SGCZ: variants seen among roughly 807,000 people sequenced by gnomAD.
SGCZ encodes the protein sarcoglycan zeta.
Under a neutral mutation model 41.3 loss-of-function variants are expected in SGCZ, and 40 were observed. The ratio of observed to expected loss-of-function variants is 0.97; its 90% CI spans 0.75 to 1.26. The LOEUF is 1.26. Among genes scored for constraint, SGCZ ranks in the 50% most tolerant of loss-of-function variants. SGCZ has a pLI of 0.00. For missense variants in SGCZ, 552 were observed against 369.8 expected (o/e 1.49, Z -4.04); for synonymous variants, 206 against 137.5 (o/e 1.50, Z -3.49).
At chr8:14,880,306 G>T (rs1030551479) in intron 1 of SGCZ, among the ~76,000 whole-genome samples, 1 of 152,140 alleles carries the variant, frequency 6.6e-6, no homozygotes, top group African/African-American at 2.4e-5. Context: ...AGAAACAACA[G>T]GTGCTGGAGA....
intron 2 of SGCZ, among the ~76,000 whole-genome samples, chr8:14,431,060 A>T (rs1469819852): frequency 6.6e-6 from 1 of 152,208 alleles, no homozygotes; most frequent in Admixed American, 6.6e-5. Flanking sequence ...AAATTGAAAC[A>T]CATCCCATGC....
chr8:14,666,684 CAAA>C (rs34262206), intron 1 of SGCZ, among the ~76,000 whole-genome samples: 16 of 107,418 alleles, frequency 1.5e-4, no homozygotes, highest in Admixed American at 1.8e-4. Context: ...GTAGAATTTG[CAAA>C]AAAAAAAAAA....
intron 1 of SGCZ, among the ~76,000 whole-genome samples, chr8:15,148,893 A>C (rs1366015252): frequency 1.3e-5 from 2 of 152,244 alleles, no homozygotes; most frequent in East Asian, 1.9e-4. Flanking sequence ...CAAAAGACTG[A>C]CTGAAAGGCC....
intron 1 of SGCZ, among the ~76,000 whole-genome samples, chr8:14,924,695 A>G (rs563746678): frequency 6.6e-6 from 1 of 152,144 alleles, no homozygotes; most frequent in African/African-American, 2.4e-5. Context: ...AAAGATAGTA[A>G]TTAGATAAAT....
intron 1 of SGCZ, among the ~76,000 whole-genome samples, chr8:15,196,049 T>C (rs1019908760): frequency 5.4e-5 from 8 of 146,998 alleles, no homozygotes; most frequent in South Asian, 2.2e-4. Flanking sequence ...AGGCGCCCGC[T>C]ACCACGCCCG....
chr8:15,228,623 C>T (rs1481278374), intron 1 of SGCZ, among the ~76,000 whole-genome samples: 1 of 152,032 alleles, frequency 6.6e-6, no homozygotes, highest in Admixed American at 6.5e-5. Context: ...AACAGAAATA[C>T]AGAGATTTAG....
At chr8:15,202,330 C>A (rs536346222) in intron 1 of SGCZ, among the ~76,000 whole-genome samples, 66 of 152,218 alleles carry the variant, frequency 4.3e-4, no homozygotes, top group East Asian at 1.9e-3. Context: ...TAAGAAGGAA[C>A]AAAATAATGG....
rs535452787 is a variant in SGCZ, at chr8:14,964,670, T to A, written c.39+272915A>T. Among the ~76,000 whole-genome samples the A allele has an allele frequency of 1.3e-3, 205 of 152,268 alleles. 2 individuals are homozygous for A. The highest frequency in any genetic ancestry group is 3.2e-4 in the Non-Finnish European group (22 of 68,022). ...TGAAACAAGCGTTATGGTTCTTTTT[T>A]AAATAATTCTGCATTGAGTAGTTAT... On this transcript the variant is annotated intron_variant, in intron 1 of 7. Transcript: ENST00000382080.
At chr8:14,279,336 A>G (rs1374826079) in intron 3 of SGCZ, among the ~76,000 whole-genome samples, 3 of 152,092 alleles carry the variant, frequency 2.0e-5, no homozygotes, top group South Asian at 4.1e-4. Context: ...CAATGCAACT[A>G]CAGATAGCAA....
rs183181799 is a variant in SGCZ, at chr8:14,587,153, A to G, written c.40-32227T>C. Among the ~76,000 whole-genome samples, 538 of 152,194 alleles carry G rather than the reference A, an allele frequency of 3.5e-3. 2 individuals are homozygous for G. Among genetic ancestry groups the G allele is most frequent in the African/African-American group, 0.012 (507 of 41,540 alleles). On this transcript the variant is annotated intron_variant, in intron 1 of 7. Coordinates refer to ENST00000382080, the MANE Select transcript of SGCZ (RefSeq NM_139167.4). ...ACCGTCTCTAATACATATTTTATGT[A>G]TGTGTCATATAAAATTTCCTCATTA...
intron 4 of SGCZ, among the ~76,000 whole-genome samples, chr8:14,220,202 T>G (rs1477278885): frequency 6.6e-6 from 1 of 152,150 alleles, no homozygotes; most frequent in Non-Finnish European, 1.5e-5. Context: ...CCAACTGAAC[T>G]GAACTGAAAA....
intron 1 of SGCZ, among the ~76,000 whole-genome samples, chr8:14,632,626 G>C (rs1462849573): frequency 6.6e-6 from 1 of 151,970 alleles, no homozygotes. Context: ...ATACTTTTCA[G>C]ATCTGTGATT....
chr8:14,235,201 T>C (rs938320179), intron 4 of SGCZ, among the ~76,000 whole-genome samples: 1 of 152,192 alleles, frequency 6.6e-6, no homozygotes, highest in Non-Finnish European at 1.5e-5. Context: ...TGTGGCTTTG[T>C]TTCAAATATG....
At chr8:14,866,252 T>C (rs945262712) in intron 1 of SGCZ, among the ~76,000 whole-genome samples, 1 of 152,152 alleles carries the variant, frequency 6.6e-6, no homozygotes, top group South Asian at 2.1e-4. Flanking sequence ...GTGATAATTT[T>C]TTAAAAGTTT....
chr8:14,803,353 G>A lies in SGCZ; in HGVS notation c.40-248427C>T, dbSNP rs537001428. Among the ~76,000 whole-genome samples the A allele has an allele frequency of 1.7e-3, 253 of 152,126 alleles. 2 individuals are homozygous for A. Among genetic ancestry groups the A allele is most frequent in the Middle Eastern group, 0.01 (3 of 294 alleles). ...CACTAGGGAGTGCCAGACAGTGGGC[G>A]CAGGTCAGTGGGTGCGCGCACCATG... On this transcript the variant is annotated intron_variant, in intron 1 of 7. Transcript: ENST00000382080.
chr8:14,522,732 T>C (rs955332234), intron 2 of SGCZ, among the ~76,000 whole-genome samples: 44 of 151,800 alleles, frequency 2.9e-4, no homozygotes, highest in African/African-American at 1.1e-3. Flanking sequence ...ATTTTAACCA[T>C]GTTAAAATTG....
chr8:14,965,577 A>G (rs1801104640), intron 1 of SGCZ, among the ~76,000 whole-genome samples: 3 of 152,182 alleles, frequency 2.0e-5, no homozygotes, highest in African/African-American at 7.2e-5. Flanking sequence ...CTACACTACA[A>G]GAAACCAAAG....
At chr8:14,890,612 G>A (rs1031459011) in intron 1 of SGCZ, among the ~76,000 whole-genome samples, 21 of 152,228 alleles carry the variant, frequency 1.4e-4, no homozygotes, top group Admixed American at 5.9e-4. Flanking sequence ...AGCAGCAAGT[G>A]CTGAAGTAGA....
chr8:14,556,783 T>A (rs1804046735), intron 1 of SGCZ, among the ~76,000 whole-genome samples: 1 of 152,112 alleles, frequency 6.6e-6, no homozygotes, highest in African/African-American at 2.4e-5. Context: ...TTCCTTCCTT[T>A]TTATGGCTGA....
Sources: allele counts gnomAD v4.1 joint callset (sites outside exome capture counted in the v4.1 genomes callset), GRCh38; gene constraint gnomAD v4.1.1; transcripts MANE v1.5; gene names NCBI Gene and HGNC (gene_info 2026-07-23, HGNC 2026-07-21).